Variants in HOPX observed in about 807,000 individuals in gnomAD.
HOPX encodes homeodomain-only protein.
In HOPX, 5 loss-of-function variants were observed where a neutral mutation model predicts 11.8. The observed-to-expected ratio is 0.43, with a 90% CI of 0.22 to 0.89. HOPX has a LOEUF of 0.89. Among genes scored for constraint, HOPX ranks in the 40% least tolerant of loss-of-function variants. The pLI is 0.28. For synonymous variants in HOPX, 49 were observed against 49.7 expected (o/e 0.99, Z 0.06); for missense variants, 119 against 120.0 (o/e 0.99, Z 0.04).
At chr4:56,679,116 T>C (rs1719181310) in intron 1 of HOPX, 1 of 152,044 alleles carries the variant, frequency 6.6e-6, no homozygotes, top group Non-Finnish European at 1.5e-5. Flanking sequence ...GTGGCACAAG[T>C]CTGTGTTCCC....
intron 1 of HOPX, chr4:56,680,123 G>A (rs1003954332): frequency 1.3e-5 from 2 of 151,908 alleles, no homozygotes; most frequent in Non-Finnish European, 2.9e-5. Context: ...CTTCAGCCCA[G>A]TTAAAAAAAA....
upstream of HOPX, chr4:56,681,368 A>G (rs1347408373): frequency 5.1e-6 from 5 of 985,236 alleles, no homozygotes; most frequent in Admixed American, 6.2e-5. Flanking sequence ...ACGTTTATTT[A>G]CGCCTATGAG....
chr4:56,673,410 C>T (rs1046966998), intron 1 of HOPX, among the ~76,000 whole-genome samples: 2 of 152,042 alleles, frequency 1.3e-5, no homozygotes, highest in Non-Finnish European at 2.9e-5. Context: ...AAAAAAAGGG[C>T]TTTAAAAAAT....
At chr4:56,663,874 C>T (rs1336108235) in intron 1 of HOPX, 1 of 152,152 alleles carries the variant, frequency 6.6e-6, no homozygotes, top group Admixed American at 6.5e-5. Flanking sequence ...TTCCTCTTGC[C>T]TTAGGAACCA....
In HOPX at chr4:56,676,032, C is replaced by T. The variant is rs951890020; in HGVS notation, c.-84+5223G>A. On this transcript the variant is annotated intron_variant, in intron 1 of 3. Transcript: ENST00000420433. ...AGGAAGCTGGCCAGGTGTGGTGGCT[C>T]ATGCCTGTAATGGCAGCATTTTGGG... Among the ~76,000 whole-genome samples, 39 of 151,806 alleles carry T rather than the reference C, an allele frequency of 2.6e-4. 2 individuals are homozygous for T. Among genetic ancestry groups the T allele is most frequent in the African/African-American group, 8.5e-4 (35 of 41,084 alleles).
At chr4:56,655,136 G>T (rs1717556343) in intron 3 of HOPX, among the ~76,000 whole-genome samples, 1 of 152,208 alleles carries the variant, frequency 6.6e-6, no homozygotes, top group African/African-American at 2.4e-5. Flanking sequence ...GACATCGGCT[G>T]CCGCTGCCGT....
At chr4:56,653,167 A>G (rs1717368547) in intron 3 of HOPX, among the ~76,000 whole-genome samples, 1 of 152,148 alleles carries the variant, frequency 6.6e-6, no homozygotes, top group Non-Finnish European at 1.5e-5. Context: ...CCTTCAGAGT[A>G]GCTGGGACTA....
intron 3 of HOPX, among the ~76,000 whole-genome samples, chr4:56,653,734 C>T (rs894113154): frequency 1.3e-5 from 2 of 152,152 alleles, no homozygotes; most frequent in African/African-American, 2.4e-5. Context: ...CACCCCACAT[C>T]CACTCATTTT....
chr4:56,651,867 A>T (rs1381900238), intron 3 of HOPX, among the ~76,000 whole-genome samples: 2 of 128,360 alleles, frequency 1.6e-5, no homozygotes, highest in African/African-American at 6.4e-5. Flanking sequence ...AAAGAGAGAG[A>T]GAGAGAGTGT....
chr4:56,650,717 G>A (rs752398547), intron 3 of HOPX: 40 of 1,551,532 alleles, frequency 2.6e-5, no homozygotes, highest in African/African-American at 8.2e-5. Context: ...AAAAGTAATC[G>A]AAAGCCAAGC....
intron 1 of HOPX, among the ~76,000 whole-genome samples, chr4:56,661,757 T>C (rs748060464): frequency 5.9e-5 from 9 of 152,242 alleles, no homozygotes; most frequent in African/African-American, 7.2e-5. Flanking sequence ...CTGTTTACTG[T>C]GTAAAAATAT....
rs922727487 is a variant in HOPX at position 56,648,304 on chromosome 4, T to G, written c.*416A>C. On this transcript the variant is annotated 3_prime_UTR_variant, in exon 4 of 4. Coordinates refer to ENST00000420433, the MANE Select transcript of HOPX (RefSeq NM_032495.6). ...TTAGATGATACATAAGGAAAGTGAC[T>G]TAGGGAAGTAAGTTCAGAAGGAAAT... is the stretch of plus-strand genomic sequence containing the variant. 1 of 157,488 alleles carries G rather than the reference T, an allele frequency of 6.3e-6. No individual in the cohort carries two copies. The highest frequency in any genetic ancestry group is 2.4e-5 in the African/African-American group (1 of 41,662). 9.8% of individuals were successfully genotyped at this position (157,488 alleles called of 1,614,324 possible).
chr4:56,652,062 T>G (rs1329644968), intron 3 of HOPX, among the ~76,000 whole-genome samples: 1 of 152,152 alleles, frequency 6.6e-6, no homozygotes, highest in African/African-American at 2.4e-5. Context: ...CTAGGAGATA[T>G]TTAGATTACT....
chr4:56,674,749 ATTTG>A (rs35219674), intron 1 of HOPX, among the ~76,000 whole-genome samples: 7,210 of 151,270 alleles, frequency 0.048, 463 homozygotes, highest in African/African-American at 0.11. Context: ...CTTTTTATTT[ATTTG>A]TTTGTTTTAG....
At position 56,657,834 on chromosome 4, in the gene HOPX, G is replaced by A. The variant is rs1370068567; in HGVS notation, c.-18C>T. 4 of 1,537,956 alleles carry A rather than the reference G, an allele frequency of 2.6e-6. No individual in the cohort carries two copies. The highest frequency in any genetic ancestry group is 3.5e-6 in the Non-Finnish European group (4 of 1,134,400). ...ATGAGCATAGGAAGACTAACTTTCT[G>A]AATGTTGCCCAGCTGGTGACCTGTG... On this transcript the variant is annotated 5_prime_UTR_variant, in exon 2 of 4. Coordinates refer to ENST00000420433, the MANE Select transcript of HOPX (RefSeq NM_032495.6).
In HOPX at chr4:56,655,254, G is replaced by A. The variant is rs541428210; in HGVS notation, c.198+603C>T. On this transcript the variant is annotated intron_variant, in intron 3 of 3. Coordinates refer to ENST00000420433, the MANE Select transcript of HOPX (RefSeq NM_032495.6). ...ATCGGAACCAAATCTCCGTGGCTTC[G>A]TGCAGCGTGAGTTCTGCAGCTCGGG... 2.0e-5 allele frequency among the ~76,000 whole-genome samples: 3 copies of A among 152,296 alleles called. No individual in the cohort carries two copies. The East Asian group carries it at 5.8e-4, about 29-fold the overall frequency.
chr4:56,657,781 C>T lies in HOPX; in HGVS notation c.36G>A (p.Leu12=). 1 of 1,240,254 alleles carries T rather than the reference C, an allele frequency of 8.1e-7. No homozygotes were observed. Among genetic ancestry groups the T allele is most frequent in the Non-Finnish European group, 1.2e-6 (1 of 862,412 alleles). The allele number at this position is 1,240,254 out of a possible 1,614,324, so 76.8% of individuals were successfully genotyped here. ...LIFLGCYRRR[L]EERAGTMSAE... The stretch of plus-strand genomic sequence containing the variant: ...GAAGAACCTTGGAAATTACCTCTTC[C>T]AGTCTTCTTCTGTAACAGCCCAGGA... The change falls in exon 2 of 4, where the codon CTG becomes CTA. Residue 12 remains leucine, a synonymous_variant. Coordinates refer to ENST00000420433, the MANE Select transcript of HOPX (RefSeq NM_032495.6).
chr4:56,653,462 G>T (rs938000820), intron 3 of HOPX, among the ~76,000 whole-genome samples: 56 of 152,136 alleles, frequency 3.7e-4, no homozygotes, highest in Non-Finnish European at 1.8e-4. Flanking sequence ...GGGGTAGTGG[G>T]GTGAGAGGGG....
intron 1 of HOPX, chr4:56,679,008 A>AGCACTTTGG: frequency 6.6e-6 from 1 of 152,318 alleles, no homozygotes. Context: ...CTGTAATCCC[A>AGCACTTTGG]GCACTTTGGG....
Sources: allele counts gnomAD v4.1 joint callset (sites outside exome capture counted in the v4.1 genomes callset), GRCh38; gene constraint gnomAD v4.1.1; transcripts MANE v1.5; gene names NCBI Gene and HGNC (gene_info 2026-07-23, HGNC 2026-07-21).